The following IMPG2 variants were observed in gnomAD, a reference collection of about 807,000 sequenced individuals.
IMPG2 encodes interphotoreceptor matrix proteoglycan 2.
A neutral mutation model predicts 129.2 loss-of-function variants in IMPG2; 91 were observed. The observed-to-expected ratio is 0.70, with a 90% CI of 0.59 to 0.84. The LOEUF (loss-of-function observed/expected upper bound fraction) is 0.84. Ranked by LOEUF, IMPG2 falls within the 40% of genes least tolerant of loss-of-function variation. The pLI, the probability that IMPG2 is intolerant of heterozygous loss-of-function variation, is 0.00. For missense variants in IMPG2, 1,430 were observed against 1,461.7 expected, an observed-to-expected ratio of 0.98 and a Z score of 0.35; for synonymous variants, 510 against 517.7, an observed-to-expected ratio of 0.99 and a Z score of 0.20.
intron 2 of IMPG2, among the ~76,000 whole-genome samples, chr3:101,318,149 A>AAATGAT (rs1475206268): frequency 1.1e-3 from 158 of 144,170 alleles, no homozygotes; most frequent in African/African-American, 3.9e-3. Context: ...AAATAGTAAT[A>AAATGAT]AATAATAATA....
At chr3:101,230,026 A>G (rs975060230) in intron 16 of IMPG2, among the ~76,000 whole-genome samples, 1 of 152,220 alleles carries the variant, frequency 6.6e-6, no homozygotes, top group South Asian at 2.1e-4. Flanking sequence ...ACTCAGGTCT[A>G]CACATATTTA....
intron 7 of IMPG2, among the ~76,000 whole-genome samples, chr3:101,270,566 G>A (rs1224495746): frequency 6.6e-6 from 1 of 152,080 alleles, no homozygotes; most frequent in East Asian, 1.9e-4. Flanking sequence ...TAATCAGGTT[G>A]AGGCGGGTGG....
At chr3:101,264,150 A>G (rs535639272) in intron 9 of IMPG2, among the ~76,000 whole-genome samples, 1 of 152,242 alleles carries the variant, frequency 6.6e-6, no homozygotes, top group African/African-American at 2.4e-5. Flanking sequence ...ATTCTACAGA[A>G]TCTTTAAAGA....
At chr3:101,294,138 G>A (rs1482879391) in intron 3 of IMPG2, among the ~76,000 whole-genome samples, 6 of 151,974 alleles carry the variant, frequency 3.9e-5, no homozygotes, top group African/African-American at 9.6e-5. Flanking sequence ...GGTTTGTTAC[G>A]TAGGTATACA....
intron 11 of IMPG2, 40 bp downstream of exon 11, chr3:101,253,656 G>T: frequency 7.3e-7 from 1 of 1,377,660 alleles, no homozygotes; most frequent in Non-Finnish European, 1.0e-6. Context: ...AAGAAGAGAA[G>T]CTTGAGGGCC....
At chr3:101,232,677 T>C in intron 15 of IMPG2, 104 bp downstream of exon 15, 2 of 935,220 alleles carry the variant, frequency 2.1e-6, no homozygotes, top group Non-Finnish European at 3.4e-6. Flanking sequence ...ATAACTTCTA[T>C]AATGCATACT....
At chr3:101,288,884 A>G (rs1706974819) in intron 4 of IMPG2, among the ~76,000 whole-genome samples, 1 of 152,200 alleles carries the variant, frequency 6.6e-6, no homozygotes, top group South Asian at 2.1e-4. Flanking sequence ...GTGTGTGCAC[A>G]TATGCTACAC....
At position 101,244,679 on chromosome 3, in the gene IMPG2, G is replaced by A; in HGVS notation, c.1652C>T (p.Ser551Phe). The change falls in exon 13 of 19, where the codon TCT becomes TTT. Residue 551 changes from serine to phenylalanine, a missense_variant. Ser to Phe is a radical substitution (Grantham distance 155). Coordinates refer to ENST00000193391, the MANE Select transcript of IMPG2 (RefSeq NM_016247.4). ...PKETIPSMED[S>F]DVSLTSSPYL... The stretch of plus-strand genomic sequence containing the variant: ...TGGTGAAGATGTTAAGGACACATCA[G>A]AGTCTTCCATGGATGGTATTGTTTC... 1 of 1,614,138 alleles carries A rather than the reference G, an allele frequency of 6.2e-7. No homozygotes were observed. The highest frequency in any genetic ancestry group is 2.2e-5 in the East Asian group (1 of 44,884).
intron 9 of IMPG2, among the ~76,000 whole-genome samples, chr3:101,263,008 T>C (rs1002801077): frequency 6.6e-6 from 1 of 151,948 alleles, no homozygotes; most frequent in Non-Finnish European, 1.5e-5. Context: ...AAAACAATTA[T>C]AAATATGCCT....
In IMPG2 at chr3:101,243,706, T is replaced by A; in HGVS notation, c.2625A>T (p.Thr875=). 1 of 1,614,048 alleles carries A rather than the reference T, an allele frequency of 6.2e-7. No individual in the cohort carries two copies. The highest frequency in any genetic ancestry group is 1.7e-5 in the Admixed American group (1 of 60,008). The change falls in exon 13 of 19, where the codon ACA becomes ACT. Residue 875 remains threonine, a synonymous_variant. Transcript: ENST00000193391. The stretch of plus-strand genomic sequence containing the variant: ...TGGGCCAAGCCACACTAACCATCTC[T>A]GTGGAGTGAACACTTGTTGACATTT... The part of the protein sequence containing the change: ...YVEMSTSVHS[T]EMVSVAWPTE...
chr3:101,295,240 T>G (rs962058865), intron 3 of IMPG2, among the ~76,000 whole-genome samples: 1 of 152,246 alleles, frequency 6.6e-6, no homozygotes, highest in African/African-American at 2.4e-5. Flanking sequence ...TTAATCTATC[T>G]TGAGTTAATT....
chr3:101,228,907 A>C lies in IMPG2; in HGVS notation c.3634-31T>G, dbSNP rs373202490. ...ACAAAAAAGAAACAATAGGCCACAC[A>C]TTGCATTAGAAAAACCTCAACAGCC... On this transcript the variant is annotated intron_variant, in intron 17 of 18. Coordinates refer to ENST00000193391, the MANE Select transcript of IMPG2 (RefSeq NM_016247.4). 6 of 1,518,494 alleles carry C rather than the reference A, an allele frequency of 4.0e-6. No individual in the cohort carries two copies. The South Asian group carries it at 5.6e-5, about 14-fold the overall frequency. The allele number at this position is 1,518,494 out of a possible 1,614,324, so 94.1% of individuals were successfully genotyped here.
chr3:101,297,047 C>T (rs982697768), intron 3 of IMPG2, among the ~76,000 whole-genome samples: 2 of 152,064 alleles, frequency 1.3e-5, no homozygotes, highest in Non-Finnish European at 2.9e-5. Context: ...GGACTACAGG[C>T]GCCAGGCGCC....
chr3:101,232,816 C>G lies in IMPG2; in HGVS notation c.3198G>C (p.Lys1066Asn). The G allele has an allele frequency of 6.2e-7, 1 of 1,613,640 alleles. No individual in the cohort carries two copies. The stretch of plus-strand genomic sequence containing the variant: ...CCCCGTGCCCAGGCATAATGTCACA[C>G]TTTCCATCATTCAAGCAGAAGTCAG... ...LQPDFCLNDGKCDIMPGHGAI... is the reference protein window; with the variant it reads ...LQPDFCLNDGNCDIMPGHGAI... Residue 1066 changes from lysine to asparagine, a missense_variant, in exon 15 of 19, where the codon AAG (lysine) becomes AAC (asparagine). Lys to Asn is a moderately conservative substitution (Grantham distance 94, BLOSUM62 0). Coordinates refer to ENST00000193391, the MANE Select transcript of IMPG2 (RefSeq NM_016247.4).
chr3:101,278,867 A>G (rs995908442), intron 4 of IMPG2, among the ~76,000 whole-genome samples: 1 of 152,214 alleles, frequency 6.6e-6, no homozygotes, highest in Non-Finnish European at 1.5e-5. Context: ...CTAAAGGGAT[A>G]TGACATCTGG....
At chr3:101,300,202 T>C (rs1348319076) in intron 3 of IMPG2, among the ~76,000 whole-genome samples, 1 of 152,218 alleles carries the variant, frequency 6.6e-6, no homozygotes, top group African/African-American at 2.4e-5. Flanking sequence ...AGCTAGTGTG[T>C]TGGACTGTGG....
chr3:101,271,130 A>G (rs1706779234), intron 7 of IMPG2, among the ~76,000 whole-genome samples: 1 of 147,758 alleles, frequency 6.8e-6, no homozygotes, highest in Non-Finnish European at 1.5e-5. Flanking sequence ...AACTGTTATA[A>G]TTCTTGTAGG....
chr3:101,248,706 A>G (rs1419237030), intron 11 of IMPG2, among the ~76,000 whole-genome samples: 2 of 152,184 alleles, frequency 1.3e-5, no homozygotes, highest in Non-Finnish European at 2.9e-5. Context: ...TTCATCTACC[A>G]TCTTAAAACT....
chr3:101,227,923 AT>A (rs1307481676), intron 18 of IMPG2: 1 of 437,960 alleles, frequency 2.3e-6, no homozygotes, highest in Non-Finnish European at 4.6e-6. Flanking sequence ...CATGGGTGTT[AT>A]TGTGACCCTT....
Sources: allele counts gnomAD v4.1 joint callset (sites outside exome capture counted in the v4.1 genomes callset), GRCh38; gene constraint gnomAD v4.1.1; transcripts MANE v1.5; gene names NCBI Gene and HGNC (gene_info 2026-07-23, HGNC 2026-07-21).